The following NUP50 variants were observed in gnomAD, a reference collection of about 807,000 sequenced individuals.
NUP50 encodes nuclear pore complex protein Nup50.
Under a neutral mutation model 36.8 loss-of-function variants are expected in NUP50, and 14 were observed. The ratio of observed to expected loss-of-function variants is 0.38; its 90% CI spans 0.25 to 0.59. The LOEUF is 0.59. Among genes scored for constraint, NUP50 ranks in the 20% least tolerant of loss-of-function variants. The probability of loss-of-function intolerance (pLI) is 0.63; values close to 1 mark genes in which losing one functional copy is unlikely to be tolerated. For synonymous variants in NUP50, 195 were observed against 210.8 expected, an observed-to-expected ratio of 0.93 and a Z score of 0.65; for missense variants, 455 against 564.6, an observed-to-expected ratio of 0.81 and a Z score of 1.97.
intron 3 of NUP50, among the ~76,000 whole-genome samples, chr22:45,172,914 G>C (rs969039191): frequency 6.6e-6 from 1 of 152,216 alleles, no homozygotes; most frequent in African/African-American, 2.4e-5. Flanking sequence ...CCAATATAGT[G>C]TAATTCGAGG....
At chr22:45,184,409 T>C in intron 7 of NUP50, 44 bp from the exon 8 acceptor site, 1 of 1,548,618 alleles carries the variant, frequency 6.5e-7, no homozygotes, top group Non-Finnish European at 8.9e-7. Flanking sequence ...TTGGTGGAGC[T>C]ATAGCTTCTA....
chr22:45,184,463 G>A lies in NUP50; in HGVS notation c.1215G>A (p.Leu405=), dbSNP rs1291473516. 3 of 1,613,888 alleles carry A rather than the reference G, an allele frequency of 1.9e-6. No homozygotes were observed. The highest frequency in any genetic ancestry group is 2.5e-6 in the Non-Finnish European group (3 of 1,179,824). Reference sequence around the variant, plus strand: ...TTTGTTTGAATGCAGGCAACATATTGCTGAACGTTCTGATTCCACCCAATA... The same window carrying A: ...TTTGTTTGAATGCAGGCAACATATTACTGAACGTTCTGATTCCACCCAATA... ...VRADTNLGNI[L]LNVLIPPNMP... is the part of the protein sequence containing the mutation. The change falls in exon 8 of 8, where the codon TTG becomes TTA. Residue 405 remains leucine (L), a synonymous_variant. Transcript: ENST00000347635.
intron 4 of NUP50, among the ~76,000 whole-genome samples, chr22:45,177,146 A>G (rs1179085493): frequency 6.6e-6 from 1 of 152,150 alleles, no homozygotes; most frequent in Non-Finnish European, 1.5e-5. Context: ...ACTCTTAGAT[A>G]GGAAAAGTGA....
At chr22:45,167,716 A>G (rs2074116930) in intron 1 of NUP50, among the ~76,000 whole-genome samples, 2 of 152,322 alleles carry the variant, frequency 1.3e-5, no homozygotes, top group African/African-American at 4.8e-5. Flanking sequence ...TTCTTACTGA[A>G]AGATACACTT....
In NUP50 at chr22:45,176,570, CA is replaced by C. The variant is rs1474318565; in HGVS notation, c.340+495del. 2.0e-5 allele frequency among the ~76,000 whole-genome samples: 3 copies of C among 152,200 alleles called. No individual in the cohort carries two copies. The East Asian group carries it at 5.8e-4, about 29-fold the overall frequency. On this transcript the variant is annotated intron_variant, in intron 4 of 7. Transcript: ENST00000347635. ...CTGATCCTGTTTTGAGGGAGTCAGT[CA>C]AAAACTCTTGGAATTAGCAACAGAG...
At chr22:45,168,116 A>G (rs1476497828) in intron 1 of NUP50, 52 bp from the exon 2 acceptor site, 37 of 1,338,136 alleles carry the variant, frequency 2.8e-5, no homozygotes, top group South Asian at 2.2e-4. Flanking sequence ...AAAATTCTTT[A>G]TAAGAATTTA....
intron 4 of NUP50, among the ~76,000 whole-genome samples, chr22:45,177,078 C>T (rs2074287967): frequency 6.6e-6 from 1 of 152,160 alleles, no homozygotes; most frequent in Non-Finnish European, 1.5e-5. Flanking sequence ...CCCTAGTATC[C>T]TGGGGATTGG....
chr22:45,169,863 C>G (rs1028823248), intron 2 of NUP50, among the ~76,000 whole-genome samples: 5 of 152,218 alleles, frequency 3.3e-5, no homozygotes, highest in African/African-American at 9.6e-5. Context: ...ATTGTCCAGG[C>G]TTGCCAGTAG....
At chr22:45,180,048 C>G (rs1033074019) in intron 5 of NUP50, among the ~76,000 whole-genome samples, 1 of 152,234 alleles carries the variant, frequency 6.6e-6, no homozygotes, top group East Asian at 1.9e-4. Flanking sequence ...GGCACGGGCC[C>G]TCTGGGCACA....
chr22:45,173,581 A>G (rs775144284), intron 3 of NUP50, among the ~76,000 whole-genome samples: 1 of 152,218 alleles, frequency 6.6e-6, no homozygotes, highest in African/African-American at 2.4e-5. Context: ...AATTATGGCA[A>G]GGATGGGCAC....
intron 2 of NUP50, among the ~76,000 whole-genome samples, chr22:45,170,109 GT>G (rs1359030899): frequency 1.3e-5 from 2 of 152,220 alleles, no homozygotes; most frequent in African/African-American, 4.8e-5. Flanking sequence ...AAGGGCCCCT[GT>G]CCCATGATCA....
At chr22:45,177,305 C>G (rs2074291389) in intron 4 of NUP50, among the ~76,000 whole-genome samples, 1 of 152,164 alleles carries the variant, frequency 6.6e-6, no homozygotes, top group Non-Finnish European at 1.5e-5. Flanking sequence ...ATCAGCCTCC[C>G]CAGTAGCTGG....
intron 2 of NUP50, chr22:45,171,153 G>A: frequency 8.3e-7 from 1 of 1,203,842 alleles, no homozygotes; most frequent in Non-Finnish European, 1.1e-6. Context: ...GGCAAGTTGG[G>A]CAGGACTCAT....
chr22:45,170,332 G>A (rs573111874), intron 2 of NUP50, among the ~76,000 whole-genome samples: 2 of 143,360 alleles, frequency 1.4e-5, no homozygotes, highest in African/African-American at 5.2e-5. Context: ...TTCCCCCTTC[G>A]AGGAGAACAC....
At chr22:45,181,183 G>T in intron 5 of NUP50, 103 bp from the exon 6 acceptor site, 1 of 481,746 alleles carries the variant, frequency 2.1e-6, no homozygotes, top group Non-Finnish European at 3.5e-6. Flanking sequence ...CAGTTTACAT[G>T]GAGTGCTCCG....
chr22:45,183,364 C>A, intron 6 of NUP50, 38 bp from the exon 7 acceptor site: 1 of 1,223,066 alleles, frequency 8.2e-7, no homozygotes, highest in Non-Finnish European at 1.2e-6. Flanking sequence ...TTGATTCGTC[C>A]TTGAATGCTT....
chr22:45,184,718 T>TA lies in NUP50; in HGVS notation c.*64dup. 1 of 1,157,420 alleles carries TA rather than the reference T, an allele frequency of 8.6e-7. No individual in the cohort carries two copies. Among genetic ancestry groups the TA allele is most frequent in the Non-Finnish European group, 1.3e-6 (1 of 790,056 alleles). The allele number at this position is 1,157,420 out of a possible 1,614,324, so 71.7% of individuals were successfully genotyped here. ...TGCTGCTTCCACCGCCCCTTAAAGT[T>TA]AGTCAGTTTTTCTTCTCTTCTTTGA... On this transcript the variant is annotated 3_prime_UTR_variant, in exon 8 of 8. Transcript: ENST00000347635.
Position 45,168,048 on chromosome 22 carries a change from T to C in NUP50, c.-10-120T>C. The C allele has an allele frequency of 8.1e-6, 6 of 737,044 alleles. No homozygotes were observed. In the South Asian group the frequency reaches 1.0e-4, roughly 13 times the overall value. 45.7% of individuals were successfully genotyped at this position (737,044 alleles called of 1,614,324 possible). On this transcript the variant is annotated intron_variant, in intron 1 of 7. Transcript: ENST00000347635. ...TTAAAGCAGTTTCCAGATGCTTTTT[T>C]TCCCTGATAAAAAAACCAGAGATGT...
At position 45,185,952 on chromosome 22, in the gene NUP50, T is replaced by C. The variant is rs2074464106; in HGVS notation, c.*1297T>C. ...TGCCCAAGGGCTCCCGCGTGTGTGT[T>C]CTGATCTTCAGTGCGTAGCACATTC... On this transcript the variant is annotated 3_prime_UTR_variant, in exon 8 of 8. Coordinates refer to ENST00000347635, the MANE Select transcript of NUP50 (RefSeq NM_007172.4). The C allele has an allele frequency of 6.6e-6, 1 of 152,272 alleles. No individual in the cohort carries two copies. The highest frequency in any genetic ancestry group is 2.4e-5 in the African/African-American group (1 of 41,464). The allele number at this position is 152,272 out of a possible 1,614,324, so 9.4% of individuals were successfully genotyped here.
Sources: allele counts gnomAD v4.1 joint callset (sites outside exome capture counted in the v4.1 genomes callset), GRCh38; gene constraint gnomAD v4.1.1; transcripts MANE v1.5; gene names NCBI Gene and HGNC (gene_info 2026-07-23, HGNC 2026-07-21).